The following CUEDC1 variants were observed in gnomAD, a reference collection of about 807,000 sequenced individuals.
The protein encoded by CUEDC1 is CUE domain containing 1, also known as CUE domain-containing protein 1.
In CUEDC1, 30 loss-of-function variants were observed where a neutral mutation model predicts 43.7. That is an observed-to-expected ratio of 0.69 (90% CI 0.51 to 0.93). The LOEUF (loss-of-function observed/expected upper bound fraction) is 0.93, where lower values mean the gene tolerates loss of function less well. CUEDC1 is among the 40% of genes least tolerant of loss of function. The pLI is 0.00. For missense variants in CUEDC1, 486 were observed against 549.0 expected (o/e 0.89, Z 1.15); for synonymous variants, 223 against 223.6 (o/e 1.00, Z 0.02).
chr17:57,905,513 C>A (rs764383348), intron 1 of CUEDC1, among the ~76,000 whole-genome samples: 2 of 152,202 alleles, frequency 1.3e-5, no homozygotes, highest in Non-Finnish European at 1.5e-5. Context: ...GGAGGGCCTC[C>A]CCAGTGCGTG....
chr17:57,917,601 A>G (rs1168054932), intron 1 of CUEDC1, among the ~76,000 whole-genome samples: 2 of 152,258 alleles, frequency 1.3e-5, no homozygotes, highest in South Asian at 2.1e-4. Context: ...CCCATGAGAG[A>G]GAGGCCTTTC....
chr17:57,946,737 T>G (rs976000593), intron 1 of CUEDC1, among the ~76,000 whole-genome samples: 1 of 152,192 alleles, frequency 6.6e-6, no homozygotes, highest in Non-Finnish European at 1.5e-5. Context: ...CTTCCCTAGC[T>G]CGAGGCTCAG....
intron 7 of CUEDC1, chr17:57,868,574 G>A (rs527303362): frequency 6.3e-5 from 24 of 379,118 alleles, no homozygotes; most frequent in African/African-American, 2.5e-4. Context: ...CTTTCCCGCC[G>A]CCACCGCCTT....
chr17:57,917,668 G>T (rs569934477), intron 1 of CUEDC1, among the ~76,000 whole-genome samples: 26 of 152,312 alleles, frequency 1.7e-4, no homozygotes, highest in African/African-American at 5.3e-4. Context: ...CTCACCCAAG[G>T]TCACACAGCG....
chr17:57,922,316 A>G (rs1358047266), intron 1 of CUEDC1: 1 of 152,232 alleles, frequency 6.6e-6, no homozygotes, highest in African/African-American at 2.4e-5. Context: ...ACCTTTGGAA[A>G]TAACCTCCTT....
chr17:57,931,688 G>T (rs2074805365), intron 1 of CUEDC1, among the ~76,000 whole-genome samples: 1 of 152,124 alleles, frequency 6.6e-6, no homozygotes, highest in African/African-American at 2.4e-5. Flanking sequence ...ACAGGGCCAA[G>T]AAAGGCCTGA....
At position 57,861,637 on chromosome 17, in the gene CUEDC1, A is replaced by G. The variant is rs956517236; in HGVS notation, c.*1652T>C. On this transcript the variant is annotated 3_prime_UTR_variant, in exon 11 of 11. Coordinates refer to ENST00000577830, the MANE Select transcript of CUEDC1 (RefSeq NM_001271875.2). ...ACTGTTTATTACAGGAATTCCTATG[A>G]AACAGCTCCAAGAAAAAACCCACAC... is the stretch of plus-strand genomic sequence containing the variant. 2.6e-5 allele frequency: 4 copies of G among 152,388 alleles called. No homozygotes were observed. The highest frequency in any genetic ancestry group is 1.9e-4 in the East Asian group (1 of 5,204). 9.4% of individuals were successfully genotyped at this position (152,388 alleles called of 1,614,324 possible). A position where few individuals can be genotyped will look rare whatever the true frequency, so the allele number is the denominator to read the frequency against.
At chr17:57,946,464 A>G (rs984425497) in intron 1 of CUEDC1, among the ~76,000 whole-genome samples, 24 of 152,162 alleles carry the variant, frequency 1.6e-4, no homozygotes, top group Non-Finnish European at 3.5e-4. Flanking sequence ...CCGTCTCAGG[A>G]AAAATGACAG....
rs2073893393 is a variant in CUEDC1, at chr17:57,862,420, C to G, written c.*869G>C. The G allele has an allele frequency of 6.6e-6, 1 of 152,532 alleles. No homozygotes were observed. The highest frequency in any genetic ancestry group is 1.5e-5 in the Non-Finnish European group (1 of 68,308). The allele number at this position is 152,532 out of a possible 1,614,324, so 9.4% of individuals were successfully genotyped here. A position where few individuals can be genotyped will look rare whatever the true frequency, so the allele number is the denominator to read the frequency against. ...TCGGACAGCAGGGCTTCCAGTCCAG[C>G]TGGGGAGTCAGAGCCCCTGTGAGCC... is the stretch of plus-strand genomic sequence containing the variant. On this transcript the variant is annotated 3_prime_UTR_variant, in exon 11 of 11. Coordinates refer to ENST00000577830, the MANE Select transcript of CUEDC1 (RefSeq NM_001271875.2).
intron 3 of CUEDC1, among the ~76,000 whole-genome samples, chr17:57,878,750 T>C (rs911913543): frequency 3.3e-5 from 5 of 152,112 alleles, no homozygotes; most frequent in African/African-American, 1.2e-4. Flanking sequence ...CACTGCAACC[T>C]CCGCCTCCGG....
intron 5 of CUEDC1, 125 bp from the exon 6 acceptor site, chr17:57,871,494 C>T: frequency 1.4e-6 from 1 of 706,212 alleles, no homozygotes; most frequent in Non-Finnish European, 2.5e-6. Context: ...CACACACGGG[C>T]ACCCAAAATA....
chr17:57,881,136 C>G (rs1266804005), intron 2 of CUEDC1, among the ~76,000 whole-genome samples: 2 of 152,232 alleles, frequency 1.3e-5, no homozygotes, highest in East Asian at 3.8e-4. Flanking sequence ...CCCAGGGGCA[C>G]CTGGTGGGTA....
At chr17:57,871,431 G>A in intron 5 of CUEDC1, 62 bp from the exon 6 acceptor site, 2 of 1,405,750 alleles carry the variant, frequency 1.4e-6, no homozygotes, top group Non-Finnish European at 2.0e-6. Flanking sequence ...GGGGCAGGCT[G>A]GGCTGGGACA....
Position 57,885,496 on chromosome 17 carries a change from G to A in CUEDC1, c.69C>T (p.Gly23=), listed in dbSNP as rs578221725. Residue 23 remains glycine, a synonymous_variant, in exon 2 of 11, where the codon GGC becomes GGT. Coordinates refer to ENST00000577830, the MANE Select transcript of CUEDC1 (RefSeq NM_001271875.2). ...GGGGTAGARG[G]GGGTAAPQEL... is the part of the protein sequence containing the mutation. ...CCTGGGGGGCGGCCGTGCCTCCCCC[G>A]CCCCCGCGTGCCCCGGCGGTGCCAC... 50 of 1,498,174 alleles carry A rather than the reference G, an allele frequency of 3.3e-5. 1 individual carries two copies. In the South Asian group the frequency reaches 5.9e-4, roughly 18 times the overall value. 92.8% of individuals were successfully genotyped at this position (1,498,174 alleles called of 1,614,324 possible).
chr17:57,901,229 A>G (rs962414350), intron 1 of CUEDC1, among the ~76,000 whole-genome samples: 41 of 152,196 alleles, frequency 2.7e-4, no homozygotes, highest in African/African-American at 9.7e-4. Flanking sequence ...GGGTAGGACT[A>G]AATAATCTCC....
intron 3 of CUEDC1, among the ~76,000 whole-genome samples, chr17:57,877,884 C>CAAAA (rs59469013): frequency 2.2e-5 from 2 of 89,562 alleles, no homozygotes; most frequent in African/African-American, 4.1e-5. Context: ...GACTCCGACT[C>CAAAA]AAAAAAAAAA....
At chr17:57,904,377 G>A (rs1216417239) in intron 1 of CUEDC1, among the ~76,000 whole-genome samples, 2 of 152,178 alleles carry the variant, frequency 1.3e-5, no homozygotes, top group Non-Finnish European at 2.9e-5. Context: ...AGGAGTGGTG[G>A]GAAAGGCTGA....
At chr17:57,886,391 C>G (rs759933285) in intron 1 of CUEDC1, among the ~76,000 whole-genome samples, 2 of 152,246 alleles carry the variant, frequency 1.3e-5, no homozygotes, top group African/African-American at 4.8e-5. Context: ...GCCCCAACAT[C>G]GTGGTCCCAC....
intron 1 of CUEDC1, among the ~76,000 whole-genome samples, chr17:57,894,772 G>A (rs1427583786): frequency 1.3e-5 from 2 of 152,200 alleles, no homozygotes; most frequent in Non-Finnish European, 2.9e-5. Flanking sequence ...GCCAATGGGA[G>A]ATGTGGGGCA....
Sources: gnomAD v4.1 joint callset for allele counts (sites outside exome capture counted in the v4.1 genomes callset) on GRCh38, gnomAD v4.1.1 for gene constraint, MANE v1.5 for transcripts, NCBI Gene and HGNC (gene_info 2026-07-23, HGNC 2026-07-21) for gene names.